Variants in CDKL3 observed in about 807,000 individuals in gnomAD.
The protein encoded by CDKL3 is cyclin dependent kinase like 3.
Under a neutral mutation model 69.3 loss-of-function variants are expected in CDKL3, and 65 were observed. The observed-to-expected ratio is 0.94, with a 90% confidence interval of 0.77 to 1.15. The LOEUF (loss-of-function observed/expected upper bound fraction) is 1.15. Ranked by LOEUF, CDKL3 falls within the 50% of genes most tolerant of loss-of-function variation. The pLI is 0.00. For missense variants in CDKL3, 652 were observed against 689.2 expected, an observed-to-expected ratio of 0.95 and a Z score of 0.61; for synonymous variants, 202 against 221.6, an observed-to-expected ratio of 0.91 and a Z score of 0.79.
intron 4 of CDKL3, among the ~76,000 whole-genome samples, chr5:134,348,566 T>G (rs1752496509): frequency 6.7e-6 from 1 of 149,536 alleles, no homozygotes; most frequent in Admixed American, 6.8e-5. Context: ...AACTTAACTT[T>G]TAGTGGGAGG....
At chr5:134,330,820 C>A (rs1294948741) in intron 4 of CDKL3, among the ~76,000 whole-genome samples, 1 of 152,192 alleles carries the variant, frequency 6.6e-6, no homozygotes, top group African/African-American at 2.4e-5. Context: ...AAGCAAAATG[C>A]CTTGAGCATC....
intron 2 of CDKL3, among the ~76,000 whole-genome samples, chr5:134,361,389 GA>G (rs1755971803): frequency 6.6e-6 from 1 of 151,958 alleles, no homozygotes; most frequent in African/African-American, 2.4e-5. Flanking sequence ...CCTAGCTCTA[GA>G]AAACTATACC....
chr5:134,321,989 G>A (rs1010574152), intron 4 of CDKL3, 86 bp from the exon 5 acceptor site: 7 of 746,628 alleles, frequency 9.4e-6, no homozygotes, highest in Admixed American at 8.9e-5. Context: ...AGAAGGCCAA[G>A]GCTAAAGAAA....
Position 134,312,395 on chromosome 5 carries a change from A to G in CDKL3, c.793-15T>C, listed in dbSNP as rs1274901473. ...TGTAAACAAGCCTAGGAAAGGAAAA[A>G]GATTTTAATAAGTGAGCTCTCAACA... On this transcript the variant is annotated splice_polypyrimidine_tract_variant and intron_variant, in intron 6 of 12. Transcript: ENST00000265334. 17 of 1,476,770 alleles carry G rather than the reference A, an allele frequency of 1.2e-5. No homozygotes were observed. The highest frequency in any genetic ancestry group is 1.6e-5 in the Non-Finnish European group (17 of 1,080,766). 91.5% of individuals were successfully genotyped at this position (1,476,770 alleles called of 1,614,324 possible). A position where few individuals can be genotyped will look rare whatever the true frequency, so the allele number is the denominator to read the frequency against.
intron 4 of CDKL3, among the ~76,000 whole-genome samples, chr5:134,338,432 G>A (rs2149550408): frequency 6.6e-6 from 1 of 152,202 alleles, no homozygotes; most frequent in East Asian, 1.9e-4. Context: ...GCTCACACCT[G>A]AAATCCCAAA....
intron 7 of CDKL3, 73 bp downstream of exon 7, chr5:134,312,219 G>A: frequency 1.2e-6 from 1 of 823,110 alleles, no homozygotes; most frequent in Admixed American, 2.5e-5. Flanking sequence ...AACCTATACA[G>A]CAATTTTCCT....
rs186052159 is a variant in CDKL3 at position 134,339,417 on chromosome 5, T to C, written c.539+10832A>G. On this transcript the variant is annotated intron_variant, in intron 4 of 12. Transcript: ENST00000265334. The stretch of plus-strand genomic sequence containing the variant: ...CCCTAATACAAGACAAAATAGACTT[T>C]TAACAAAAAAATGTTACTAGAGATG... 3.3e-3 allele frequency among the ~76,000 whole-genome samples: 500 copies of C among 152,222 alleles called. 1 individual carries two copies. The highest frequency in any genetic ancestry group is 0.011 in the African/African-American group (473 of 41,554).
At chr5:134,333,597 T>C (rs1029834370) in intron 4 of CDKL3, among the ~76,000 whole-genome samples, 17 of 152,214 alleles carry the variant, frequency 1.1e-4, no homozygotes, top group African/African-American at 4.1e-4. Context: ...TTGGTTCTGT[T>C]TATGTGATGG....
intron 5 of CDKL3, among the ~76,000 whole-genome samples, chr5:134,320,836 T>C (rs1401298941): frequency 6.7e-6 from 1 of 148,756 alleles, no homozygotes. Flanking sequence ...ATCGCGCCCC[T>C]GCACTCCAGC....
intron 4 of CDKL3, among the ~76,000 whole-genome samples, chr5:134,347,945 T>C (rs1752356247): frequency 6.6e-6 from 1 of 152,122 alleles, no homozygotes; most frequent in South Asian, 2.1e-4. Context: ...AAATTGACTA[T>C]GGTTATGGTT....
chr5:134,366,640 C>A, intron 1 of CDKL3, 96 bp from the exon 2 acceptor site: 1 of 784,714 alleles, frequency 1.3e-6, no homozygotes, highest in South Asian at 1.8e-5. Flanking sequence ...AACCCACAGT[C>A]TCAAATATAG....
At chr5:134,353,636 C>A (rs991110460) in intron 3 of CDKL3, among the ~76,000 whole-genome samples, 1 of 151,586 alleles carries the variant, frequency 6.6e-6, no homozygotes, top group Non-Finnish European at 1.5e-5. Context: ...ACTGCAACCT[C>A]TGGCTCCCGG....
intron 8 of CDKL3, among the ~76,000 whole-genome samples, chr5:134,288,529 A>T (rs1297655937): frequency 6.6e-6 from 1 of 152,252 alleles, no homozygotes; most frequent in African/African-American, 2.4e-5. Flanking sequence ...ACCAGTGCAC[A>T]GATACCCTAG....
chr5:134,351,073 T>C (rs1425659675), intron 3 of CDKL3, among the ~76,000 whole-genome samples: 1 of 152,170 alleles, frequency 6.6e-6, no homozygotes, highest in Non-Finnish European at 1.5e-5. Flanking sequence ...GCCATCTACA[T>C]TTTTCCTACA....
downstream of CDKL3, among the ~76,000 whole-genome samples, chr5:134,293,863 T>A (rs537425548): frequency 2.0e-5 from 3 of 152,084 alleles, no homozygotes; most frequent in East Asian, 5.8e-4. Flanking sequence ...AATCCCAGCC[T>A]TTGAGAGGCT....
At chr5:134,316,458 C>T (rs1273505691) in intron 6 of CDKL3, among the ~76,000 whole-genome samples, 2 of 151,922 alleles carry the variant, frequency 1.3e-5, no homozygotes, top group Non-Finnish European at 2.9e-5. Context: ...ATTAGCCAGG[C>T]GTGGTGGAGT....
At chr5:134,296,782 TACACACACACACACACACACAC>T (rs36097045), downstream of CDKL3, among the ~76,000 whole-genome samples, 2 of 141,506 alleles carry the variant, frequency 1.4e-5, no homozygotes, top group Admixed American at 1.4e-4. Flanking sequence ...ACCCTGTCTC[TACACACACACACACACACACAC>T]ACACACACAC....
At chr5:134,365,262 C>G (rs925976652) in intron 2 of CDKL3, among the ~76,000 whole-genome samples, 6 of 152,088 alleles carry the variant, frequency 3.9e-5, no homozygotes, top group Non-Finnish European at 4.4e-5. Context: ...GGAGCGTGAG[C>G]CACCGCACCC....
intron 3 of CDKL3, among the ~76,000 whole-genome samples, chr5:134,358,491 C>G (rs576730940): frequency 1.3e-5 from 2 of 152,190 alleles, no homozygotes; most frequent in East Asian, 3.9e-4. Context: ...AAAGATAACA[C>G]CACTATTCTT....
Sources: allele counts gnomAD v4.1 joint callset (sites outside exome capture counted in the v4.1 genomes callset), GRCh38; gene constraint gnomAD v4.1.1; transcripts MANE v1.5; gene names NCBI Gene and HGNC (gene_info 2026-07-23, HGNC 2026-07-21).